Variants in DMD observed in about 807,000 individuals in gnomAD.
DMD encodes dystrophin.
Under a neutral mutation model 330.1 loss-of-function variants are expected in DMD, and 63 were observed. That is an observed-to-expected ratio of 0.19 (90% CI 0.16 to 0.24). DMD has a LOEUF of 0.24. Among genes scored for constraint, DMD ranks in the 10% least tolerant of loss-of-function variants. The pLI, the probability that DMD is intolerant of heterozygous loss-of-function variation, is 1.00. For synonymous variants in DMD, 1,223 were observed against 959.8 expected (o/e 1.27, Z -5.07); for missense variants, 3,344 against 2,684.1 (o/e 1.25, Z -5.43).
chrX:32,586,591 C>G (rs745624840), intron 13 of DMD, among the ~76,000 whole-genome samples: 3 of 109,569 alleles, frequency 2.7e-5, no homozygotes, highest in South Asian at 7.8e-4. Flanking sequence ...TTTACAGGTA[C>G]GAATACATTA....
intron 48 of DMD, among the ~76,000 whole-genome samples, chrX:31,848,913 T>C (rs959728911): frequency 5.4e-5 from 6 of 110,789 alleles, no homozygotes; most frequent in African/African-American, 2.0e-4. Context: ...AGGGTAAAAG[T>C]AGCAAGTCAG....
chrX:32,132,556 T>G (rs1343537922), intron 44 of DMD, among the ~76,000 whole-genome samples: 2 of 111,560 alleles, frequency 1.8e-5, no homozygotes, highest in Non-Finnish European at 3.8e-5. Context: ...AGATACTACG[T>G]TAACTACATT....
intron 60 of DMD, among the ~76,000 whole-genome samples, chrX:31,389,967 G>T (rs1449321329): frequency 9.0e-6 from 1 of 111,630 alleles, no homozygotes; most frequent in African/African-American, 3.3e-5. Context: ...CTGAGCCAGA[G>T]AAACATATTT....
intron 2 of DMD, among the ~76,000 whole-genome samples, chrX:32,937,187 C>A (rs978355616): frequency 2.0e-4 from 22 of 110,807 alleles, no homozygotes; most frequent in African/African-American, 7.2e-4. Context: ...GTTTCCTGAA[C>A]TAGAGAGCCA....
chrX:31,715,735 G>C (rs1048492147), intron 52 of DMD, among the ~76,000 whole-genome samples: 1 of 111,083 alleles, frequency 9.0e-6, no homozygotes, highest in South Asian at 3.8e-4. Flanking sequence ...GTTTATGAGA[G>C]ATTGTACTAA....
intron 7 of DMD, among the ~76,000 whole-genome samples, chrX:32,705,507 G>T (rs2064537413): frequency 8.9e-6 from 1 of 111,784 alleles, no homozygotes; most frequent in Non-Finnish European, 1.9e-5. Context: ...CCATCATCTT[G>T]TTACAAGTAG....
intron 9 of DMD, among the ~76,000 whole-genome samples, chrX:32,656,003 T>TA (rs951826706): frequency 9.0e-6 from 1 of 111,272 alleles, no homozygotes; most frequent in Non-Finnish European, 1.9e-5. Flanking sequence ...ATTCCTACAT[T>TA]AAAAAAATGG....
chrX:32,091,625 A>G (rs957601865), intron 44 of DMD, among the ~76,000 whole-genome samples: 2 of 111,502 alleles, frequency 1.8e-5, no homozygotes, highest in Non-Finnish European at 3.8e-5. Context: ...TCTAATCCAC[A>G]GGTTTTTAAA....
At chrX:31,229,492 T>G (rs1409523928) in intron 63 of DMD, among the ~76,000 whole-genome samples, 2 of 111,819 alleles carry the variant, frequency 1.8e-5, no homozygotes, top group Non-Finnish European at 3.8e-5. Flanking sequence ...ACTTTATGAG[T>G]GGAAAGAGCT....
At chrX:32,864,337 G>A (rs764684505) in intron 2 of DMD, among the ~76,000 whole-genome samples, 1 of 112,104 alleles carries the variant, frequency 8.9e-6, no homozygotes, top group South Asian at 3.7e-4. Context: ...CTTAGGCAGT[G>A]TATCTACAGA....
chrX:32,522,320 C>G (rs2046512836), intron 17 of DMD, among the ~76,000 whole-genome samples: 1 of 111,765 alleles, frequency 8.9e-6, no homozygotes, highest in African/African-American at 3.3e-5. Context: ...TTATGGAACT[C>G]TCTCTTTTAT....
intron 55 of DMD, among the ~76,000 whole-genome samples, chrX:31,516,108 A>G (rs1294258914): frequency 9.0e-6 from 1 of 111,413 alleles, no homozygotes; most frequent in Non-Finnish European, 1.9e-5. Flanking sequence ...TTATGAAGAC[A>G]TAAGAACAGA....
chrX:33,268,540 G>A (rs897243916), intron 1 of DMD, among the ~76,000 whole-genome samples: 4 of 111,578 alleles, frequency 3.6e-5, no homozygotes, highest in Admixed American at 1.9e-4. Context: ...ACAAACATAC[G>A]AAGAAATGCT....
intron 44 of DMD, among the ~76,000 whole-genome samples, chrX:32,204,269 C>T (rs746154647): frequency 1.3e-4 from 14 of 111,758 alleles, no homozygotes; most frequent in East Asian, 5.6e-4. Context: ...TTAAACTTTC[C>T]GAAATTTTTG....
chrX:31,401,048 G>A (rs1338055278), intron 60 of DMD, among the ~76,000 whole-genome samples: 1 of 111,557 alleles, frequency 9.0e-6, no homozygotes, highest in Non-Finnish European at 1.9e-5. Context: ...TACTCAAACT[G>A]GGTTTGAATG....
intron 44 of DMD, among the ~76,000 whole-genome samples, chrX:32,071,564 C>A (rs1283132572): frequency 9.5e-6 from 1 of 104,943 alleles, no homozygotes; most frequent in Non-Finnish European, 2.0e-5. Flanking sequence ...TGCTAAATGA[C>A]GAGTTAATGG....
At chrX:32,323,515 T>C (rs928038096) in intron 41 of DMD, among the ~76,000 whole-genome samples, 4 of 106,544 alleles carry the variant, frequency 3.8e-5, no homozygotes, top group African/African-American at 1.1e-4. Context: ...GAAATAAAAT[T>C]ATAAATTATT....
chrX:31,554,975 G>A (rs1046596289), intron 55 of DMD, among the ~76,000 whole-genome samples: 1 of 112,012 alleles, frequency 8.9e-6, no homozygotes, highest in Non-Finnish European at 1.9e-5. Flanking sequence ...AAAGGTGATA[G>A]AGGAGAGACA....
At chrX:32,065,715 C>T (rs762390344) in intron 44 of DMD, among the ~76,000 whole-genome samples, 6 of 111,304 alleles carry the variant, frequency 5.4e-5, no homozygotes, top group East Asian at 5.7e-4. Flanking sequence ...GAAAGCAACA[C>T]GGGTGTTTTG....
Sources: gnomAD v4.1 joint callset for allele counts (sites outside exome capture counted in the v4.1 genomes callset) on GRCh38, gnomAD v4.1.1 for gene constraint, MANE v1.5 for transcripts, NCBI Gene and HGNC (gene_info 2026-07-23, HGNC 2026-07-21) for gene names.